Variants in ZSCAN10 observed in about 807,000 individuals in gnomAD.
The protein encoded by ZSCAN10 is zinc finger and SCAN domain containing 10.
ZSCAN10 carries 52 observed loss-of-function variants against 63.7 expected under a neutral mutation model. That is an observed-to-expected ratio of 0.82 (90% CI 0.65 to 1.03). The LOEUF is 1.03. Among genes scored for constraint, ZSCAN10 ranks in the 50% least tolerant of loss-of-function variants. ZSCAN10 has a pLI of 0.00. For synonymous variants in ZSCAN10, 544 were observed against 479.6 expected, an observed-to-expected ratio of 1.13 and a Z score of -1.76; for missense variants, 1,223 against 1,103.8, an observed-to-expected ratio of 1.11 and a Z score of -1.53.
chr16:3,097,688 A>G (rs1228645849), intron 1 of ZSCAN10, among the ~76,000 whole-genome samples: 1 of 152,154 alleles, frequency 6.6e-6, no homozygotes, highest in African/African-American at 2.4e-5. Context: ...GAGTGCCTCA[A>G]TCACAGATGA....
Position 3,090,352 on chromosome 16 carries a change from C to A in ZSCAN10, c.1082G>T (p.Arg361Leu), listed in dbSNP as rs1283244066. 2.5e-6 allele frequency: 4 copies of A among 1,611,752 alleles called. No homozygotes were observed. Among genetic ancestry groups the A allele is most frequent in the Admixed American group, 3.3e-5 (2 of 59,854 alleles). The change falls in exon 6 of 6, where the codon CGC becomes CTC. Residue 361 changes from arginine to leucine, a missense_variant. Arg to Leu is a moderately radical substitution (Grantham distance 102). Transcript: ENST00000576985. ...CGAGCGCAGCTGGTGCGCCTTCAGG[C>A]GAGACAGCTGCGGGAAGCTCACCCC... ...DCGVSFPQLS[R>L]LKAHQLRSHP...
chr16:3,092,092 C>T lies in ZSCAN10; in HGVS notation c.621G>A (p.Leu207=). ...GGAATGTCTTCTGGGGCCCCGGGCT[C>T]AGCGGCTGCTTTGAACTTGGGGGAA... The part of the protein sequence containing the change: ...WRLPPSSKQP[L]SPGPQKTFQA... The change falls in exon 3 of 6, where the codon CTG becomes CTA. Residue 207 remains leucine (L), a synonymous_variant. Transcript: ENST00000576985. The T allele has an allele frequency of 6.3e-7, 1 of 1,595,802 alleles. No homozygotes were observed. The highest frequency in any genetic ancestry group is 2.2e-5 in the East Asian group (1 of 44,668).
intron 1 of ZSCAN10, among the ~76,000 whole-genome samples, chr16:3,096,916 T>C (rs2151218956): frequency 7.1e-6 from 1 of 140,250 alleles, no homozygotes; most frequent in East Asian, 2.1e-4. Flanking sequence ...GCGACAGAAT[T>C]AGACTCTGCC....
rs757987581 is a variant in ZSCAN10, at chr16:3,088,993, G to A, written c.*98C>T. 429 of 1,387,130 alleles carry A rather than the reference G, an allele frequency of 3.1e-4. No individual in the cohort carries two copies. Among genetic ancestry groups the A allele is most frequent in the Non-Finnish European group, 3.9e-4 (423 of 1,078,250 alleles). The allele number at this position is 1,387,130 out of a possible 1,614,324, so 85.9% of individuals were successfully genotyped here. ...ACAGCTGTGAAAGTGGAAGGAGAGG[G>A]AAGTGGGGTGTGGTGGGAAGGGACA... On this transcript the variant is annotated 3_prime_UTR_variant, in exon 6 of 6. Coordinates refer to ENST00000576985, the MANE Select transcript of ZSCAN10 (RefSeq NM_032805.3).
chr16:3,096,250 C>G (rs916514132), intron 1 of ZSCAN10, among the ~76,000 whole-genome samples: 1 of 152,188 alleles, frequency 6.6e-6, no homozygotes, highest in Non-Finnish European at 1.5e-5. Flanking sequence ...TTGTTTGAGT[C>G]TCTTTTACAT....
chr16:3,090,267 G>A lies in ZSCAN10; in HGVS notation c.1167C>T (p.Ser389=). Residue 389 remains serine, a synonymous_variant, in exon 6 of 6, where the codon TCC becomes TCT. Transcript: ENST00000576985. The stretch of plus-strand genomic sequence containing the variant: ...GAGTGCGCATGTGCAGCTTGAGAAT[G>A]GAGCTGCGGCCGAAGCTCTTCCCGC... ...LCCGKSFGRS[S]ILKLHMRTHT... 6.8e-6 allele frequency: 11 copies of A among 1,608,798 alleles called. No individual in the cohort carries two copies. Among genetic ancestry groups the A allele is most frequent in the Non-Finnish European group, 9.3e-6 (11 of 1,179,462 alleles).
chr16:3,093,292 C>T (rs144473774), intron 1 of ZSCAN10: 9,469 of 169,360 alleles, frequency 0.056, 340 homozygotes, highest in East Asian at 0.14. Flanking sequence ...CTTTGGGAGG[C>T]CGAGGCGGGT....
At chr16:3,091,866 GA>G (rs1271953923) in intron 3 of ZSCAN10, 38 bp from the exon 4 acceptor site, 3 of 1,580,684 alleles carry the variant, frequency 1.9e-6, no homozygotes, top group South Asian at 1.1e-5. Flanking sequence ...AGTGCTGTTA[GA>G]AGGCAGCCCT....
Position 3,089,478 on chromosome 16 carries a change from GT to G in ZSCAN10, c.1955del (p.His652ProfsTer185). The stretch of plus-strand genomic sequence containing the variant: ...GCTTCTCCCCTGTGTGGATGCGCTG[GT>G]GGCGCGCCAGGTGGGCGCTCTGGCT... Reference protein sequence around the residue: ...GFSQSAHLARHQRIHTGEKPH... With the variant: ...GFSQSAHLARXQRIHTGEKPH... On this transcript the variant is annotated frameshift_variant, in exon 6 of 6. Coordinates refer to ENST00000576985, the MANE Select transcript of ZSCAN10 (RefSeq NM_032805.3). LOFTEE classifies it high-confidence loss of function. 1 of 1,604,064 alleles carries G rather than the reference GT, an allele frequency of 6.2e-7. No homozygotes were observed. The highest frequency in any genetic ancestry group is 8.5e-7 in the Non-Finnish European group (1 of 1,177,154).
intron 1 of ZSCAN10, among the ~76,000 whole-genome samples, chr16:3,098,096 AAAAG>A (rs995250464): frequency 8.6e-5 from 13 of 151,878 alleles, no homozygotes; most frequent in African/African-American, 3.1e-4. Flanking sequence ...AAAAGAAAAA[AAAAG>A]AGTGGGGGAG....
In ZSCAN10 at chr16:3,092,256, C is replaced by A. The variant is rs752083789; in HGVS notation, c.457G>T (p.Gly153Trp). 1 of 1,613,204 alleles carries A rather than the reference C, an allele frequency of 6.2e-7. No homozygotes were observed. The highest frequency in any genetic ancestry group is 8.5e-7 in the Non-Finnish European group (1 of 1,179,982). ...TGGCTGGGGACCTGGGAAGCACACC[C>A]CTTTTCCTCCAAGGTGACGTCTGCA... ...PRADVTLEEK[G>W]CASQVPSHSP... Residue 153 changes from glycine to tryptophan, a missense_variant, in exon 3 of 6, where the codon GGG becomes TGG. Coordinates refer to ENST00000576985, the MANE Select transcript of ZSCAN10 (RefSeq NM_032805.3).
In ZSCAN10 at chr16:3,096,213, TGAGCA is replaced by T. The variant is rs572942938; in HGVS notation, c.-68+2972_-68+2976del. 2.3e-3 allele frequency among the ~76,000 whole-genome samples: 345 copies of T among 152,354 alleles called. 4 individuals carry two copies. Among genetic ancestry groups the T allele is most frequent in the Admixed American group, 8.5e-3 (130 of 15,302 alleles). On this transcript the variant is annotated intron_variant, in intron 1 of 5. Coordinates refer to ENST00000576985, the MANE Select transcript of ZSCAN10 (RefSeq NM_032805.3). ...TGAGGCTGGATGATTTAAGCTTTTC[TGAGCA>T]GAGCAGAGCAGGCTCATATTTTTGT...
Position 3,092,640 on chromosome 16 carries a change from G to A in ZSCAN10, c.298C>T (p.Leu100Phe). The A allele has an allele frequency of 6.2e-7, 1 of 1,611,640 alleles. No homozygotes were observed. The highest frequency in any genetic ancestry group is 8.5e-7 in the Non-Finnish European group (1 of 1,179,334). Residue 100 changes from leucine to phenylalanine, a missense_variant, in exon 2 of 6, where the codon CTC becomes TTC. Coordinates refer to ENST00000576985, the MANE Select transcript of ZSCAN10 (RefSeq NM_032805.3). ...GGCTGCCCCTGCAGGCGGCCCAGGA[G>A]GTGCGGAGGCAGCACACTCAGGAAC... Reference protein sequence around the residue: ...EQFLSVLPPHLLGRLQGQPLR... With the variant: ...EQFLSVLPPHFLGRLQGQPLR...
Position 3,092,098 on chromosome 16 carries a change from C to A in ZSCAN10, c.615G>T (p.Gln205His). 1 of 1,599,542 alleles carries A rather than the reference C, an allele frequency of 6.3e-7. No homozygotes were observed. Among genetic ancestry groups the A allele is most frequent in the Non-Finnish European group, 8.5e-7 (1 of 1,172,302 alleles). The change falls in exon 3 of 6, where the codon CAG becomes CAT. Residue 205 changes from glutamine (Q) to histidine (H), a missense_variant. Transcript: ENST00000576985. ...TCTTCTGGGGCCCCGGGCTCAGCGG[C>A]TGCTTTGAACTTGGGGGAAGCCTCC... is the stretch of plus-strand genomic sequence containing the variant. ...GQWRLPPSSK[Q>H]PLSPGPQKTF...
In ZSCAN10 at chr16:3,098,753, T is replaced by C. The variant is rs545456660; in HGVS notation, c.-68+437A>G. Among the ~76,000 whole-genome samples, 3 of 152,334 alleles carry C rather than the reference T, an allele frequency of 2.0e-5. No individual in the cohort carries two copies. In the East Asian group the frequency reaches 5.8e-4, roughly 29 times the overall value. On this transcript the variant is annotated intron_variant, in intron 1 of 5. Coordinates refer to ENST00000576985, the MANE Select transcript of ZSCAN10 (RefSeq NM_032805.3). ...AATTTGGAGCCCGGGGTGGAGGTGC[T>C]GCCACGAGACCCACCCAGGTCACCT...
chr16:3,092,173 C>T lies in ZSCAN10; in HGVS notation c.540G>A (p.Glu180=), dbSNP rs528055918. The change falls in exon 3 of 6, where the codon GAG becomes GAA. Residue 180 remains glutamate, a synonymous_variant. Coordinates refer to ENST00000576985, the MANE Select transcript of ZSCAN10 (RefSeq NM_032805.3). ...CAGCCCTTGGCTGGGGTCGGGGAGG[C>T]TCATCCGATGGGCCCAGCACTGAAG... ...EEPSVLGPSD[E]PPRPQPRAAQ... is the part of the protein sequence containing the mutation. The T allele has an allele frequency of 2.5e-6, 4 of 1,613,076 alleles. No individual in the cohort carries two copies. The highest frequency in any genetic ancestry group is 3.3e-5 in the Admixed American group (2 of 60,016).
At chr16:3,093,718 T>C (rs1374394674) in intron 1 of ZSCAN10, among the ~76,000 whole-genome samples, 4 of 139,906 alleles carry the variant, frequency 2.9e-5, no homozygotes, top group Non-Finnish European at 6.1e-5. Context: ...TCTTGCTATA[T>C]CACCCAGACT....
Position 3,090,617 on chromosome 16 carries a change from C to T in ZSCAN10, c.817G>A (p.Glu273Lys), listed in dbSNP as rs1405515526. Reference sequence around the variant, plus strand: ...CCTTTGGGCTCTTCTTGTTTAAATTCCTCCTTGTCTGGGGTTCTGCTTCCG... The same window carrying T: ...CCTTTGGGCTCTTCTTGTTTAAATTTCTCCTTGTCTGGGGTTCTGCTTCCG... ...GFGSRTPDKEEFKQEEPKGAA... is the reference protein window; with the variant it reads ...GFGSRTPDKEKFKQEEPKGAA... Residue 273 changes from glutamate (E) to lysine (K), a missense_variant, in exon 6 of 6, where the codon GAA (glutamate) becomes AAA (lysine). Physicochemically the swap from Glu to Lys is moderately conservative, Grantham distance 56 (BLOSUM62 1). Transcript: ENST00000576985. The T allele has an allele frequency of 1.3e-6, 2 of 1,552,316 alleles. No homozygotes were observed. Among genetic ancestry groups the T allele is most frequent in the Non-Finnish European group, 1.7e-6 (2 of 1,148,742 alleles).
rs1957105272 is a variant in ZSCAN10 at position 3,092,899 on chromosome 16, C to T, written c.39G>A (p.Glu13=). 4 of 1,440,502 alleles carry T rather than the reference C, an allele frequency of 2.8e-6. No individual in the cohort carries two copies. The highest frequency in any genetic ancestry group is 3.7e-6 in the Non-Finnish European group (4 of 1,095,814). The allele number at this position is 1,440,502 out of a possible 1,614,324, so 89.2% of individuals were successfully genotyped here. A position where few individuals can be genotyped will look rare whatever the true frequency, so the allele number is the denominator to read the frequency against. Residue 13 remains glutamate, a synonymous_variant, in exon 2 of 6, where the codon GAG becomes GAA. Coordinates refer to ENST00000576985, the MANE Select transcript of ZSCAN10 (RefSeq NM_032805.3). ...GESVPAAVEQ[E]QLGEVKLEEE... ...CCTCCAGCTTGACTTCCCCCAGCTGCTCCTGCTCCACGGCAGCTGGGACTG... is the reference window on the plus strand; with the variant it reads ...CCTCCAGCTTGACTTCCCCCAGCTGTTCCTGCTCCACGGCAGCTGGGACTG...
Sources: allele counts gnomAD v4.1 joint callset (sites outside exome capture counted in the v4.1 genomes callset), GRCh38; gene constraint gnomAD v4.1.1; transcripts MANE v1.5; gene names NCBI Gene and HGNC (gene_info 2026-07-23, HGNC 2026-07-21).